GNA14: variants seen among roughly 807,000 people sequenced by gnomAD.
GNA14 encodes the protein G protein subunit alpha 14, also known as guanine nucleotide-binding protein subunit alpha-14.
In GNA14, 50 loss-of-function variants were observed where a neutral mutation model predicts 42.0. The ratio of observed to expected loss-of-function variants is 1.19; its 90% CI spans 0.95 to 1.51. The LOEUF (loss-of-function observed/expected upper bound fraction) is 1.51, where lower values mean the gene tolerates loss of function less well. GNA14 is among the 40% of genes most tolerant of loss of function. The probability of loss-of-function intolerance (pLI) is 0.00; values close to 1 mark genes in which losing one functional copy is unlikely to be tolerated. For missense variants in GNA14, 473 were observed against 446.2 expected, an observed-to-expected ratio of 1.06 and a Z score of -0.54; for synonymous variants, 173 against 163.1, an observed-to-expected ratio of 1.06 and a Z score of -0.46.
At chr9:77,538,461 C>T (rs1010520771) in intron 1 of GNA14, among the ~76,000 whole-genome samples, 4 of 151,976 alleles carry the variant, frequency 2.6e-5, no homozygotes, top group East Asian at 3.9e-4. Context: ...TTTCTCATGC[C>T]GTGAAATATG....
chr9:77,508,191 C>T (rs1397448403), intron 2 of GNA14, among the ~76,000 whole-genome samples: 1 of 152,192 alleles, frequency 6.6e-6, no homozygotes, highest in East Asian at 1.9e-4. Flanking sequence ...ACCCTTTCTA[C>T]CCACTAAGAA....
chr9:77,474,566 G>A (rs1836386681), intron 2 of GNA14, among the ~76,000 whole-genome samples: 1 of 152,130 alleles, frequency 6.6e-6, no homozygotes, highest in South Asian at 2.1e-4. Flanking sequence ...AAAATCATGT[G>A]GCCACTTTGA....
intron 1 of GNA14, among the ~76,000 whole-genome samples, chr9:77,544,216 C>T (rs1026342135): frequency 3.9e-5 from 6 of 152,140 alleles, no homozygotes; most frequent in Admixed American, 2.6e-4. Flanking sequence ...TAACAAAATA[C>T]AGAGAATCTT....
intron 1 of GNA14, among the ~76,000 whole-genome samples, chr9:77,630,112 G>T (rs907670492): frequency 8.1e-4 from 113 of 139,780 alleles, no homozygotes; most frequent in Middle Eastern, 3.8e-3. Flanking sequence ...TTTGTTTTTT[G>T]TTTTTTTTTT....
chr9:77,440,792 T>C (rs1231501562), intron 2 of GNA14, among the ~76,000 whole-genome samples: 3 of 152,272 alleles, frequency 2.0e-5, no homozygotes, highest in African/African-American at 7.2e-5. Flanking sequence ...CTCGGTTCAC[T>C]GCAACCTCCA....
chr9:77,576,357 T>G (rs574759818), intron 1 of GNA14, among the ~76,000 whole-genome samples: 171 of 152,330 alleles, frequency 1.1e-3, no homozygotes, highest in African/African-American at 3.7e-3. Flanking sequence ...TACCGAATAC[T>G]GAATAATTTT....
intron 2 of GNA14, among the ~76,000 whole-genome samples, chr9:77,461,275 G>T (rs1836100677): frequency 6.6e-6 from 1 of 152,182 alleles, no homozygotes; most frequent in Admixed American, 6.5e-5. Flanking sequence ...TAACAATGCA[G>T]AATCTCGGCT....
chr9:77,556,642 C>T (rs972553713), intron 1 of GNA14, among the ~76,000 whole-genome samples: 1 of 152,152 alleles, frequency 6.6e-6, no homozygotes, highest in African/African-American at 2.4e-5. Flanking sequence ...AGTTCTCCCC[C>T]TCCTCTCTCA....
Position 77,425,644 on chromosome 9 carries a change from C to T in GNA14, c.795G>A (p.Val265=). Residue 265 remains valine, a synonymous_variant, in exon 6 of 7, where the codon GTG becomes GTA. Coordinates refer to ENST00000341700, the MANE Select transcript of GNA14 (RefSeq NM_004297.4). ...GATCCTTCTTGTTCAAGAATAAAAT[C>T]ACAGACGAATTCAGAAACCAGGGGT... ...ITYPWFLNSS[V]ILFLNKKDLL... is the part of the protein sequence containing the mutation. 1 of 1,608,798 alleles carries T rather than the reference C, an allele frequency of 6.2e-7. No individual in the cohort carries two copies. The highest frequency in any genetic ancestry group is 8.5e-7 in the Non-Finnish European group (1 of 1,175,250).
rs565743669 is a variant in GNA14 at position 77,615,242 on chromosome 9, A to G, written c.124+32428T>C. 9.9e-5 allele frequency among the ~76,000 whole-genome samples: 15 copies of G among 152,282 alleles called. No homozygotes were observed. The South Asian group carries it at 2.3e-3, about 23-fold the overall frequency. ...AAATTAGCCATCAATTTCTCAGAGAAGAGACTCTCCTAGTGCCTCCCAGAA... is the reference window on the plus strand; with the variant it reads ...AAATTAGCCATCAATTTCTCAGAGAGGAGACTCTCCTAGTGCCTCCCAGAA... On this transcript the variant is annotated intron_variant, in intron 1 of 6. Coordinates refer to ENST00000341700, the MANE Select transcript of GNA14 (RefSeq NM_004297.4).
chr9:77,600,299 C>T (rs761414195), intron 1 of GNA14, among the ~76,000 whole-genome samples: 5 of 152,184 alleles, frequency 3.3e-5, no homozygotes, highest in Non-Finnish European at 7.3e-5. Flanking sequence ...TTTTTAAAGA[C>T]GGTCACGTCC....
intron 1 of GNA14, among the ~76,000 whole-genome samples, chr9:77,613,746 C>T (rs1312263157): frequency 1.3e-5 from 2 of 152,180 alleles, no homozygotes; most frequent in Non-Finnish European, 2.9e-5. Flanking sequence ...TATTCATGAG[C>T]TAATCTTGTG....
intron 3 of GNA14, among the ~76,000 whole-genome samples, chr9:77,434,160 G>T (rs1055351305): frequency 1.3e-5 from 2 of 152,338 alleles, no homozygotes; most frequent in East Asian, 3.9e-4. Flanking sequence ...TCGGCAGGAA[G>T]AGAGGTCTGC....
intron 1 of GNA14, among the ~76,000 whole-genome samples, chr9:77,554,896 C>T (rs889033689): frequency 6.6e-6 from 1 of 152,152 alleles, no homozygotes; most frequent in Non-Finnish European, 1.5e-5. Context: ...AAAAATGATA[C>T]TTTTCCTCCA....
chr9:77,575,864 GAAGAC>G (rs777330857), intron 1 of GNA14, among the ~76,000 whole-genome samples: 1 of 152,170 alleles, frequency 6.6e-6, no homozygotes, highest in Admixed American at 6.5e-5. Flanking sequence ...ATTTTAACAA[GAAGAC>G]AAGTATAAGA....
intron 1 of GNA14, among the ~76,000 whole-genome samples, chr9:77,550,662 C>A (rs1374399488): frequency 6.6e-6 from 1 of 152,216 alleles, no homozygotes; most frequent in Non-Finnish European, 1.5e-5. Flanking sequence ...TTTAAACTAT[C>A]TTCAAAGCAG....
intron 2 of GNA14, among the ~76,000 whole-genome samples, chr9:77,502,269 C>A (rs1227191231): frequency 6.6e-6 from 1 of 152,182 alleles, no homozygotes; most frequent in Non-Finnish European, 1.5e-5. Context: ...TCCCTGCCAC[C>A]TTGTGACTGG....
At chr9:77,508,009 T>G (rs7036267) in intron 2 of GNA14, among the ~76,000 whole-genome samples, 1 of 152,116 alleles carries the variant, frequency 6.6e-6, no homozygotes, top group Non-Finnish European at 1.5e-5. Context: ...TGAGCCACTG[T>G]GCCTGGCCTC....
chr9:77,434,229 G>A (rs1338671775), intron 3 of GNA14, 139 bp downstream of exon 3: 4 of 730,894 alleles, frequency 5.5e-6, no homozygotes, highest in Non-Finnish European at 6.8e-6. Context: ...AAGAGGTCAG[G>A]AGGGATATGG....
Sources: gnomAD v4.1 joint callset for allele counts (sites outside exome capture counted in the v4.1 genomes callset) on GRCh38, gnomAD v4.1.1 for gene constraint, MANE v1.5 for transcripts, NCBI Gene and HGNC (gene_info 2026-07-23, HGNC 2026-07-21) for gene names.